MTUS2: variants seen among roughly 807,000 people sequenced by gnomAD.
The protein encoded by MTUS2 is microtubule-associated tumor suppressor candidate 2.
Under a neutral mutation model 114.1 loss-of-function variants are expected in MTUS2, and 40 were observed. The observed-to-expected ratio is 0.35, with a 90% confidence interval of 0.27 to 0.46. The LOEUF is 0.46. MTUS2 is among the 20% of genes least tolerant of loss of function. The pLI is 1.00. For missense variants in MTUS2, 1,679 were observed against 1,705.4 expected (o/e 0.98, Z 0.27); for synonymous variants, 688 against 672.0 (o/e 1.02, Z -0.37).
chr13:29,072,469 A>C (rs1048706986), intron 4 of MTUS2, among the ~76,000 whole-genome samples: 3 of 152,152 alleles, frequency 2.0e-5, no homozygotes, highest in Non-Finnish European at 2.9e-5. Flanking sequence ...AAATGAGGGC[A>C]TTTCAACTGT....
chr13:28,828,201 T>C (rs1035912363), intron 1 of MTUS2, among the ~76,000 whole-genome samples: 6 of 152,208 alleles, frequency 3.9e-5, no homozygotes, highest in Non-Finnish European at 7.3e-5. Flanking sequence ...TCCTATTTGC[T>C]CTTGAAAGAA....
Position 29,503,293 on chromosome 13 carries a change from G to T in MTUS2, c.*87G>T. On this transcript the variant is annotated 3_prime_UTR_variant, in exon 16 of 16. Transcript: ENST00000612955. ...CACCGACCCGGTGCCGCCGGAGCTG[G>T]CCCTGTGCGCATGCTCAGTAGCTGC... The T allele has an allele frequency of 6.8e-7, 1 of 1,470,580 alleles. No homozygotes were observed. The highest frequency in any genetic ancestry group is 9.3e-7 in the Non-Finnish European group (1 of 1,072,194). The allele number at this position is 1,470,580 out of a possible 1,614,324, so 91.1% of individuals were successfully genotyped here.
chr13:28,846,173 A>G (rs1433687854), intron 2 of MTUS2, among the ~76,000 whole-genome samples: 1 of 152,046 alleles, frequency 6.6e-6, no homozygotes, highest in East Asian at 1.9e-4. Flanking sequence ...AGGCATTTAC[A>G]TAACTGCACT....
chr13:29,503,266 A>G lies in MTUS2; in HGVS notation c.*60A>G, dbSNP rs1883029326. 6.3e-6 allele frequency: 10 copies of G among 1,579,766 alleles called. No individual in the cohort carries two copies. Among genetic ancestry groups the G allele is most frequent in the Non-Finnish European group, 7.8e-6 (9 of 1,157,110 alleles). Reference sequence around the variant, plus strand: ...CGTCCTCCGGTCTCCACCCTGAGGGAGCACCGACCCGGTGCCGCCGGAGCT... The same window carrying G: ...CGTCCTCCGGTCTCCACCCTGAGGGGGCACCGACCCGGTGCCGCCGGAGCT... On this transcript the variant is annotated 3_prime_UTR_variant, in exon 16 of 16. Transcript: ENST00000612955.
chr13:29,308,795 ACC>A (rs1899606996), intron 6 of MTUS2, among the ~76,000 whole-genome samples: 1 of 152,202 alleles, frequency 6.6e-6, no homozygotes, highest in Non-Finnish European at 1.5e-5. Flanking sequence ...TATGAAAAAA[ACC>A]TCAACATCAC....
intron 2 of MTUS2, among the ~76,000 whole-genome samples, chr13:28,966,044 T>C (rs559485862): frequency 2.0e-5 from 3 of 152,198 alleles, no homozygotes; most frequent in Non-Finnish European, 4.4e-5. Flanking sequence ...TACAAAGAGA[T>C]TTCTGGAATA....
At chr13:29,053,786 T>TA (rs1197143942) in intron 4 of MTUS2, among the ~76,000 whole-genome samples, 30 of 152,192 alleles carry the variant, frequency 2.0e-4, no homozygotes, top group Non-Finnish European at 2.9e-5. Flanking sequence ...TGGATGTACA[T>TA]ACCACAATTT....
Position 28,844,389 on chromosome 13 carries a change from A to AT in MTUS2, c.-243+4544dup, listed in dbSNP as rs550313995. Among the ~76,000 whole-genome samples the AT allele has an allele frequency of 7.2e-5, 11 of 152,128 alleles. No individual in the cohort carries two copies. In the East Asian group the frequency reaches 1.5e-3, roughly 21 times the overall value. On this transcript the variant is annotated intron_variant, in intron 2 of 15. Transcript: ENST00000612955. ...GTTATTCATTGTACTTAGCGTCCAG[A>AT]TTTTTAAAATGCTGTGTGTGTGTGT...
At chr13:29,312,594 A>G (rs1277175263) in intron 6 of MTUS2, among the ~76,000 whole-genome samples, 1 of 152,222 alleles carries the variant, frequency 6.6e-6, no homozygotes, top group Non-Finnish European at 1.5e-5. Context: ...GAAAGAGACA[A>G]ATAATCCAGA....
intron 5 of MTUS2, among the ~76,000 whole-genome samples, chr13:29,138,181 T>C (rs1395615085): frequency 6.6e-6 from 1 of 152,060 alleles, no homozygotes; most frequent in Non-Finnish European, 1.5e-5. Context: ...GACTGGGGAC[T>C]GGGGGATGGG....
chr13:29,492,053 TGTGGTAG>T, intron 11 of MTUS2, among the ~76,000 whole-genome samples: 2 of 148,364 alleles, frequency 1.3e-5, no homozygotes, highest in African/African-American at 2.5e-5. Flanking sequence ...ATGTGATGTG[TGTGGTAG>T]GTGTGTATGT....
At chr13:29,102,626 T>C (rs571783695) in intron 5 of MTUS2, among the ~76,000 whole-genome samples, 6 of 152,336 alleles carry the variant, frequency 3.9e-5, no homozygotes, top group Non-Finnish European at 8.8e-5. Flanking sequence ...AGAATTGTTT[T>C]CTATTTTAAG....
chr13:28,831,309 A>G (rs963828986), intron 1 of MTUS2, among the ~76,000 whole-genome samples: 3 of 152,192 alleles, frequency 2.0e-5, no homozygotes, highest in Non-Finnish European at 2.9e-5. Context: ...TACATTAAAT[A>G]TAAAGGGACT....
chr13:28,893,024 A>G (rs1248160381), intron 2 of MTUS2, among the ~76,000 whole-genome samples: 1 of 152,222 alleles, frequency 6.6e-6, no homozygotes, highest in Non-Finnish European at 1.5e-5. Flanking sequence ...AAATGTCTGC[A>G]GACAGGATGG....
chr13:29,349,829 A>C (rs1869069912), intron 7 of MTUS2, among the ~76,000 whole-genome samples: 1 of 152,130 alleles, frequency 6.6e-6, no homozygotes, highest in Admixed American at 6.5e-5. Flanking sequence ...GTTTGATTAC[A>C]ATATGCCTTG....
intron 4 of MTUS2, among the ~76,000 whole-genome samples, chr13:29,076,441 C>T (rs1312902206): frequency 6.6e-6 from 1 of 152,196 alleles, no homozygotes; most frequent in Non-Finnish European, 1.5e-5. Context: ...TTGAGAACAG[C>T]TTGGCTGAGT....
intron 2 of MTUS2, among the ~76,000 whole-genome samples, chr13:28,922,811 G>GT (rs773878957): frequency 1.5e-4 from 23 of 152,278 alleles, no homozygotes; most frequent in Middle Eastern, 3.4e-3. Flanking sequence ...ATTTTTGGTT[G>GT]TTGTGATAGT....
chr13:28,913,097 C>T (rs762391994), intron 2 of MTUS2, among the ~76,000 whole-genome samples: 2 of 152,012 alleles, frequency 1.3e-5, no homozygotes, highest in South Asian at 2.1e-4. Flanking sequence ...GTTTGAATAC[C>T]CTTTATTTCT....
intron 5 of MTUS2, among the ~76,000 whole-genome samples, chr13:29,243,696 T>C (rs897162536): frequency 6.6e-6 from 1 of 151,544 alleles, no homozygotes; most frequent in Admixed American, 6.6e-5. Flanking sequence ...TATAAGAGAG[T>C]AAGGAAACAA....
Sources: gnomAD v4.1 joint callset for allele counts (sites outside exome capture counted in the v4.1 genomes callset) on GRCh38, gnomAD v4.1.1 for gene constraint, MANE v1.5 for transcripts, NCBI Gene and HGNC (gene_info 2026-07-23, HGNC 2026-07-21) for gene names.